Variants in CDH13 observed in about 807,000 individuals in gnomAD.
CDH13 encodes cadherin 13, also known as cadherin-13.
A neutral mutation model predicts 63.8 loss-of-function variants in CDH13; 24 were observed. The observed-to-expected ratio is 0.38, with a 90% confidence interval of 0.27 to 0.53. The LOEUF (loss-of-function observed/expected upper bound fraction) is 0.53. CDH13 is among the 20% of genes least tolerant of loss of function. The pLI is 0.85. For synonymous variants in CDH13, 503 were observed against 355.3 expected, an observed-to-expected ratio of 1.42 and a Z score of -4.67; for missense variants, 1,049 against 903.1, an observed-to-expected ratio of 1.16 and a Z score of -2.07.
chr16:82,723,203 G>A (rs1384239853), intron 1 of CDH13: 2 of 152,246 alleles, frequency 1.3e-5, no homozygotes, highest in African/African-American at 4.8e-5. Flanking sequence ...GCCTGAGAAT[G>A]ATTGTAATGT....
At chr16:82,642,839 G>C (rs1909586171) in intron 1 of CDH13, among the ~76,000 whole-genome samples, 1 of 152,106 alleles carries the variant, frequency 6.6e-6, no homozygotes, top group Non-Finnish European at 1.5e-5. Flanking sequence ...ATCTTCTATG[G>C]TTTTAATCCC....
At chr16:82,730,517 C>A (rs1018602668) in intron 1 of CDH13, among the ~76,000 whole-genome samples, 1 of 152,066 alleles carries the variant, frequency 6.6e-6, no homozygotes, top group African/African-American at 2.4e-5. Flanking sequence ...TTGTGGCATC[C>A]CAAAACAGTT....
chr16:83,309,067 G>A (rs2089942769), intron 5 of CDH13, among the ~76,000 whole-genome samples: 1 of 152,096 alleles, frequency 6.6e-6, no homozygotes, highest in Non-Finnish European at 1.5e-5. Context: ...TCCTTACTGT[G>A]GCTTGGTGCT....
chr16:83,262,609 T>C (rs1001623298), intron 5 of CDH13, among the ~76,000 whole-genome samples: 8 of 152,122 alleles, frequency 5.3e-5, no homozygotes, highest in African/African-American at 1.7e-4. Flanking sequence ...TCATTTACCT[T>C]GGAAAGGACT....
intron 6 of CDH13, among the ~76,000 whole-genome samples, chr16:83,403,273 C>G (rs950455947): frequency 2.6e-5 from 4 of 152,082 alleles, no homozygotes; most frequent in Non-Finnish European, 4.4e-5. Flanking sequence ...AGTGACTCAC[C>G]ACTTCCTAGA....
chr16:82,825,247 G>T (rs9937262), intron 1 of CDH13: 19 of 152,136 alleles, frequency 1.2e-4, no homozygotes, highest in African/African-American at 4.3e-4. Flanking sequence ...GACAGCGCAG[G>T]CGTGTTTTAC....
chr16:83,490,734 G>A (rs565917653), intron 7 of CDH13, among the ~76,000 whole-genome samples: 8 of 152,306 alleles, frequency 5.3e-5, no homozygotes, highest in South Asian at 4.1e-4. Context: ...GGAAGACAGC[G>A]TGATTCACAC....
chr16:82,726,926 C>G (rs1256336551), intron 1 of CDH13, among the ~76,000 whole-genome samples: 1 of 152,198 alleles, frequency 6.6e-6, no homozygotes, highest in Non-Finnish European at 1.5e-5. Context: ...TAGACCATGA[C>G]TTACTTATTT....
intron 6 of CDH13, among the ~76,000 whole-genome samples, chr16:83,417,000 T>C (rs1163640566): frequency 1.3e-5 from 2 of 152,232 alleles, no homozygotes; most frequent in East Asian, 1.9e-4. Flanking sequence ...TTAAAATCAG[T>C]AATATTATTG....
chr16:82,705,405 G>T, intron 1 of CDH13: 1 of 260,914 alleles, frequency 3.8e-6, no homozygotes, highest in East Asian at 1.0e-4. Flanking sequence ...CCACACAATC[G>T]CCTCTAGTGG....
At position 83,781,480 on chromosome 16, in the gene CDH13, A is replaced by G. The variant is rs542639109; in HGVS notation, c.1915+1279A>G. On this transcript the variant is annotated intron_variant, in intron 12 of 13. Transcript: ENST00000567109. ...TTAGGTTTTGCAAATGTATTGTACA[A>G]TTGTGCATAACATTTTCTATTTAAA... Among the ~76,000 whole-genome samples, 9 of 152,282 alleles carry G rather than the reference A, an allele frequency of 5.9e-5. No homozygotes were observed. The East Asian group carries it at 1.5e-3, about 26-fold the overall frequency.
At chr16:83,490,376 G>A (rs536693549) in intron 7 of CDH13, among the ~76,000 whole-genome samples, 1 of 152,278 alleles carries the variant, frequency 6.6e-6, no homozygotes, top group Non-Finnish European at 1.5e-5. Flanking sequence ...AACAAGGCTT[G>A]TAACTGAGGA....
chr16:83,403,390 G>A (rs1345711072), intron 6 of CDH13, among the ~76,000 whole-genome samples: 2 of 152,068 alleles, frequency 1.3e-5, no homozygotes, highest in African/African-American at 2.4e-5. Flanking sequence ...TTGGGAGGCC[G>A]AGGCGGGTGG....
At chr16:82,647,741 G>A (rs1418019326) in intron 1 of CDH13, among the ~76,000 whole-genome samples, 1 of 151,594 alleles carries the variant, frequency 6.6e-6, no homozygotes, top group Non-Finnish European at 1.5e-5. Context: ...GTTGGAAGTT[G>A]AGCCAGCCCT....
chr16:83,424,505 T>C (rs80126378), intron 6 of CDH13, among the ~76,000 whole-genome samples: 2 of 152,108 alleles, frequency 1.3e-5, no homozygotes, highest in South Asian at 4.2e-4. Context: ...CTCTTGATTA[T>C]TTTTTTTAAG....
At chr16:83,006,507 G>T (rs1418703449) in intron 2 of CDH13, among the ~76,000 whole-genome samples, 3 of 152,048 alleles carry the variant, frequency 2.0e-5, no homozygotes, top group African/African-American at 7.2e-5. Flanking sequence ...AAAAAGACTA[G>T]CCAAGCGCTT....
chr16:83,479,114 G>C (rs181318654), intron 6 of CDH13, among the ~76,000 whole-genome samples: 1 of 152,318 alleles, frequency 6.6e-6, no homozygotes, highest in Non-Finnish European at 1.5e-5. Context: ...ATGTCCACAA[G>C]ACCAGAGGAA....
chr16:82,692,480 C>T (rs1915739909), intron 1 of CDH13, among the ~76,000 whole-genome samples: 1 of 151,856 alleles, frequency 6.6e-6, no homozygotes, highest in East Asian at 1.9e-4. Context: ...CTTTATAAAA[C>T]CATCAGATCT....
intron 3 of CDH13, among the ~76,000 whole-genome samples, chr16:83,111,149 G>C (rs987891750): frequency 6.6e-6 from 1 of 151,082 alleles, no homozygotes; most frequent in Non-Finnish European, 1.5e-5. Flanking sequence ...TCCAGCCTGG[G>C]CGACAGAGCG....
Sources: gnomAD v4.1 joint callset for allele counts (sites outside exome capture counted in the v4.1 genomes callset) on GRCh38, gnomAD v4.1.1 for gene constraint, MANE v1.5 for transcripts, NCBI Gene and HGNC (gene_info 2026-07-23, HGNC 2026-07-21) for gene names.